PRKD1: variants seen among roughly 807,000 people sequenced by gnomAD.
The protein encoded by PRKD1 is serine/threonine-protein kinase D1.
A neutral mutation model predicts 95.9 loss-of-function variants in PRKD1; 63 were observed. The observed-to-expected ratio is 0.66, with a 90% confidence interval of 0.54 to 0.81. The LOEUF is 0.81. Ranked by LOEUF, PRKD1 falls within the 30% of genes least tolerant of loss-of-function variation. PRKD1 has a pLI of 0.00. For missense variants in PRKD1, 1,048 were observed against 1,165.3 expected, an observed-to-expected ratio of 0.90 and a Z score of 1.47; for synonymous variants, 425 against 423.1, an observed-to-expected ratio of 1.00 and a Z score of -0.05.
chr14:29,793,970 C>T (rs1345296589), intron 1 of PRKD1, among the ~76,000 whole-genome samples: 1 of 151,982 alleles, frequency 6.6e-6, no homozygotes, highest in Admixed American at 6.6e-5. Context: ...CTAACACAAG[C>T]AGATCTTTAC....
intron 1 of PRKD1, among the ~76,000 whole-genome samples, chr14:29,920,872 TAGCTATC>T (rs1477181514): frequency 6.6e-6 from 1 of 152,232 alleles, no homozygotes; most frequent in African/African-American, 2.4e-5. Context: ...TATGTTATAT[TAGCTATC>T]ATCAGATGGA....
At chr14:29,701,628 C>A (rs1350054736) in intron 2 of PRKD1, among the ~76,000 whole-genome samples, 1 of 152,094 alleles carries the variant, frequency 6.6e-6, no homozygotes, top group African/African-American at 2.4e-5. Context: ...CTAATTATTT[C>A]CAGTGGTAGT....
At position 29,927,251 on chromosome 14, in the gene PRKD1, T is replaced by C; in HGVS notation, c.262A>G (p.Lys88Glu). The part of the protein sequence containing the change: ...REMACSIVDQ[K>E]FPECGFYGMY... ...CTGGCAGCGGTGCGGCGACTTACCT[T>C]CTGGTCGACAATGGAGCAAGCCATC... The change falls in exon 1 of 18, where the codon AAG becomes GAG. Residue 88 changes from lysine (K) to glutamate (E), a missense_variant and splice_region_variant. By Grantham distance (56) the Lys-to-Glu change is moderately conservative (BLOSUM62 1). Around this residue, in one of 3 missense-constraint regions of PRKD1, gnomAD observed 275 missense variants for 248.6 expected, o/e 1.11. Coordinates refer to ENST00000331968, the MANE Select transcript of PRKD1 (RefSeq NM_002742.3). The C allele has an allele frequency of 1.3e-6, 2 of 1,501,244 alleles. No individual in the cohort carries two copies. The highest frequency in any genetic ancestry group is 1.8e-6 in the Non-Finnish European group (2 of 1,125,632). 93.0% of individuals were successfully genotyped at this position (1,501,244 alleles called of 1,614,324 possible). A position where few individuals can be genotyped will look rare whatever the true frequency, so the allele number is the denominator to read the frequency against.
At chr14:29,793,642 A>G (rs1889669222) in intron 1 of PRKD1, among the ~76,000 whole-genome samples, 1 of 152,016 alleles carries the variant, frequency 6.6e-6, no homozygotes, top group Non-Finnish European at 1.5e-5. Context: ...ATAGGAAGAG[A>G]TGAGCGCAAG....
chr14:29,780,361 A>T (rs1387612477), intron 1 of PRKD1, among the ~76,000 whole-genome samples: 4 of 152,216 alleles, frequency 2.6e-5, no homozygotes, highest in African/African-American at 9.6e-5. Flanking sequence ...AACCTACAGA[A>T]TGGGAGAAAA....
intron 1 of PRKD1, among the ~76,000 whole-genome samples, chr14:29,896,560 C>A (rs927669542): frequency 3.3e-5 from 5 of 152,194 alleles, no homozygotes; most frequent in African/African-American, 7.2e-5. Flanking sequence ...GCAAAAAAAT[C>A]TTAGATTGTA....
intron 16 of PRKD1, among the ~76,000 whole-genome samples, chr14:29,585,387 G>T (rs1892886196): frequency 6.6e-6 from 1 of 152,074 alleles, no homozygotes. Context: ...TTCCTTTTCA[G>T]TTCTTTCCTC....
chr14:29,856,715 G>C (rs943004714), intron 1 of PRKD1, among the ~76,000 whole-genome samples: 2 of 152,176 alleles, frequency 1.3e-5, no homozygotes, highest in African/African-American at 4.8e-5. Context: ...CATGGGTCCT[G>C]AAGGCCTGCT....
At chr14:29,687,050 C>A (rs1022233928) in intron 2 of PRKD1, among the ~76,000 whole-genome samples, 4 of 152,030 alleles carry the variant, frequency 2.6e-5, no homozygotes, top group African/African-American at 4.8e-5. Context: ...AGGCAAAGGT[C>A]ATGCTCAGGT....
At chr14:29,877,241 A>G (rs1156347184) in intron 1 of PRKD1, among the ~76,000 whole-genome samples, 4 of 152,246 alleles carry the variant, frequency 2.6e-5, no homozygotes, top group Non-Finnish European at 5.9e-5. Flanking sequence ...CAACCCTGGT[A>G]CACTGCTGGT....
chr14:29,800,863 C>G (rs934580802), intron 1 of PRKD1, among the ~76,000 whole-genome samples: 13 of 152,082 alleles, frequency 8.5e-5, no homozygotes, highest in African/African-American at 2.7e-4. Flanking sequence ...CACACTTGGT[C>G]CCTTCATGAT....
chr14:29,732,262 G>A (rs1886477589), intron 1 of PRKD1, among the ~76,000 whole-genome samples: 1 of 151,770 alleles, frequency 6.6e-6, no homozygotes, highest in Admixed American at 6.6e-5. Context: ...TTTTCTGTTT[G>A]TTACATCTGT....
chr14:29,634,313 G>T, intron 8 of PRKD1, 105 bp downstream of exon 8: 1 of 1,549,018 alleles, frequency 6.5e-7, no homozygotes, highest in African/African-American at 1.4e-5. Flanking sequence ...CTGTGCTGAG[G>T]TTTACTCTGA....
At chr14:29,904,361 G>A (rs1391571748) in intron 1 of PRKD1, among the ~76,000 whole-genome samples, 2 of 152,156 alleles carry the variant, frequency 1.3e-5, no homozygotes, top group Non-Finnish European at 2.9e-5. Context: ...CTTGATGCCT[G>A]AATTTAAAAT....
chr14:29,671,096 T>C (rs970157504), intron 2 of PRKD1, among the ~76,000 whole-genome samples: 1 of 151,990 alleles, frequency 6.6e-6, no homozygotes, highest in African/African-American at 2.4e-5. Context: ...TGTATTTAGA[T>C]AGGTTGACTA....
Position 29,927,596 on chromosome 14 carries a change from G to A in PRKD1, c.-84C>T. On this transcript the variant is annotated 5_prime_UTR_variant, in exon 1 of 18. Transcript: ENST00000331968. The stretch of plus-strand genomic sequence containing the variant: ...GAAAGTTTTGCAGCCGCTGAGCCAG[G>A]AGCTTCTTTCTCCGAGAGCCCAGAC... The A allele has an allele frequency of 9.6e-7, 1 of 1,039,514 alleles. No homozygotes were observed. The allele number at this position is 1,039,514 out of a possible 1,614,324, so 64.4% of individuals were successfully genotyped here. A position where few individuals can be genotyped will look rare whatever the true frequency, so the allele number is the denominator to read the frequency against.
At chr14:29,717,277 G>C (rs1029307799) in intron 2 of PRKD1, among the ~76,000 whole-genome samples, 1 of 152,120 alleles carries the variant, frequency 6.6e-6, no homozygotes, top group African/African-American at 2.4e-5. Flanking sequence ...GTAGTGCAGT[G>C]GGGTGGAGGT....
At chr14:29,712,296 C>T (rs529029898) in intron 2 of PRKD1, among the ~76,000 whole-genome samples, 1 of 152,134 alleles carries the variant, frequency 6.6e-6, no homozygotes, top group South Asian at 2.1e-4. Context: ...AACTGCTTGC[C>T]TCATTGAGAA....
intron 1 of PRKD1, among the ~76,000 whole-genome samples, chr14:29,826,236 A>G (rs1276891893): frequency 1.0e-3 from 57 of 55,442 alleles, no homozygotes; most frequent in African/African-American, 3.2e-3. Context: ...TGGAATATAT[A>G]TATACATATA....
Sources: gnomAD v4.1 joint callset for allele counts (sites outside exome capture counted in the v4.1 genomes callset) on GRCh38, gnomAD v4.1.1 for gene constraint, gnomAD v4.1.1 regional missense constraint, MANE v1.5 for transcripts, NCBI Gene and HGNC (gene_info 2026-07-23, HGNC 2026-07-21) for gene names.